Variants in ADAMTSL1 observed in about 807,000 individuals in gnomAD.
The protein encoded by ADAMTSL1 is ADAMTS-like protein 1.
A neutral mutation model predicts 201.8 loss-of-function variants in ADAMTSL1; 126 were observed. That is an observed-to-expected ratio of 0.62 (90% CI 0.54 to 0.72). ADAMTSL1 has a LOEUF of 0.72. Among genes scored for constraint, ADAMTSL1 ranks in the 30% least tolerant of loss-of-function variants. The pLI is 0.00. For missense variants in ADAMTSL1, 2,679 were observed against 2,277.8 expected, an observed-to-expected ratio of 1.18 and a Z score of -3.59; for synonymous variants, 1,121 against 903.4, an observed-to-expected ratio of 1.24 and a Z score of -4.32.
At chr9:18,231,100 G>A (rs1023572192) in intron 2 of ADAMTSL1, among the ~76,000 whole-genome samples, 1 of 152,050 alleles carries the variant, frequency 6.6e-6, no homozygotes, top group Non-Finnish European at 1.5e-5. Context: ...TACCTTTCTT[G>A]ATGTCTTTTA....
intron 8 of ADAMTSL1, among the ~76,000 whole-genome samples, chr9:18,658,381 A>T (rs1017313216): frequency 1.1e-4 from 17 of 152,228 alleles, no homozygotes; most frequent in Non-Finnish European, 1.2e-4. Context: ...ATTCACTTAC[A>T]TATAAACTAC....
chr9:18,271,181 A>G (rs949344142), intron 2 of ADAMTSL1, among the ~76,000 whole-genome samples: 1 of 152,192 alleles, frequency 6.6e-6, no homozygotes, highest in African/African-American at 2.4e-5. Context: ...AGATTTTTAT[A>G]TACATATATA....
chr9:18,121,023 C>G (rs536789786), intron 1 of ADAMTSL1, among the ~76,000 whole-genome samples: 1 of 152,068 alleles, frequency 6.6e-6, no homozygotes, highest in East Asian at 1.9e-4. Flanking sequence ...TTTCCCCTTA[C>G]AAGAAAATAG....
At chr9:18,706,354 G>C (rs778343625) in intron 13 of ADAMTSL1, among the ~76,000 whole-genome samples, 2 of 152,136 alleles carry the variant, frequency 1.3e-5, no homozygotes, top group Non-Finnish European at 2.9e-5. Flanking sequence ...GACAGGATCT[G>C]GCCGGCTTCT....
intron 9 of ADAMTSL1, among the ~76,000 whole-genome samples, chr9:18,671,864 C>T (rs11793849): frequency 0.21 from 31,719 of 151,956 alleles, 3,536 homozygotes; most frequent in Middle Eastern, 0.29. Context: ...GGTGAAACCC[C>T]ATCTCTACTA....
intron 1 of ADAMTSL1, among the ~76,000 whole-genome samples, chr9:17,916,764 C>T (rs532411066): frequency 1.3e-5 from 2 of 152,156 alleles, no homozygotes; most frequent in African/African-American, 2.4e-5. Context: ...ATTTCAAGGA[C>T]ATTGACTTGT....
intron 1 of ADAMTSL1, among the ~76,000 whole-genome samples, chr9:17,947,345 A>C (rs10963357): frequency 0.014 from 2,045 of 147,056 alleles, 19 homozygotes; most frequent in Non-Finnish European, 0.022. Flanking sequence ...ACACACACAC[A>C]CCCCACTATG....
At chr9:18,502,414 T>C (rs1822890967) in intron 1 of ADAMTSL1, among the ~76,000 whole-genome samples, 1 of 152,224 alleles carries the variant, frequency 6.6e-6, no homozygotes, top group Non-Finnish European at 1.5e-5. Context: ...TCTATTCACA[T>C]GCGGCAAACA....
intron 9 of ADAMTSL1, among the ~76,000 whole-genome samples, chr9:18,670,678 T>C (rs1332707): frequency 0.1 from 15,894 of 152,320 alleles, 1,066 homozygotes; most frequent in Middle Eastern, 0.15. Context: ...ATCTGCACAC[T>C]GATGACATAA....
At position 18,483,705 on chromosome 9, in the gene ADAMTSL1, T is replaced by C. The variant is rs531744162; in HGVS notation, c.63+9410T>C. Among the ~76,000 whole-genome samples, 5 of 152,264 alleles carry C rather than the reference T, an allele frequency of 3.3e-5. No homozygotes were observed. In the South Asian group the frequency reaches 1.0e-3, roughly 32 times the overall value. On this transcript the variant is annotated intron_variant, in intron 1 of 28. Coordinates refer to ENST00000380548, the MANE Select transcript of ADAMTSL1 (RefSeq NM_001040272.6). ...ACCCGGGCATGGTGGCGGGTGCCTG[T>C]AGTCCCAGCTACTCGGGATGCTGAG...
chr9:18,587,348 A>T (rs1266176193), intron 4 of ADAMTSL1, among the ~76,000 whole-genome samples: 2 of 152,094 alleles, frequency 1.3e-5, no homozygotes, highest in Non-Finnish European at 2.9e-5. Context: ...ACAAGCATAT[A>T]AAAAAAGCTC....
intron 20 of ADAMTSL1, among the ~76,000 whole-genome samples, chr9:18,807,654 AAAAAC>A (rs565113940): frequency 0.21 from 29,279 of 142,158 alleles, 3,109 homozygotes; most frequent in East Asian, 0.32. Context: ...TCAAAAAAAA[AAAAAC>A]AAAAAAAAAA....
chr9:18,314,838 C>T (rs1457791117), intron 2 of ADAMTSL1, among the ~76,000 whole-genome samples: 2 of 122,166 alleles, frequency 1.6e-5, no homozygotes, highest in East Asian at 2.5e-4. Flanking sequence ...GCTCTGTCGC[C>T]CAGGCTGGAG....
At chr9:18,431,875 C>G (rs1295455980) in intron 2 of ADAMTSL1, among the ~76,000 whole-genome samples, 1 of 152,138 alleles carries the variant, frequency 6.6e-6, no homozygotes, top group African/African-American at 2.4e-5. Context: ...CAACTAATAT[C>G]TATATAGGCT....
intron 25 of ADAMTSL1, chr9:18,890,440 A>C: frequency 2.2e-6 from 1 of 451,232 alleles, no homozygotes; most frequent in South Asian, 1.6e-5. Flanking sequence ...TGGAGTTGGC[A>C]CTGGTGCAGT....
At chr9:18,358,997 A>T (rs1052807388) in intron 2 of ADAMTSL1, among the ~76,000 whole-genome samples, 2 of 152,176 alleles carry the variant, frequency 1.3e-5, no homozygotes, top group African/African-American at 2.4e-5. Flanking sequence ...CTTAAATTTC[A>T]GTGACTTCAA....
intron 2 of ADAMTSL1, among the ~76,000 whole-genome samples, chr9:18,355,922 C>A (rs1836200912): frequency 6.6e-6 from 1 of 152,192 alleles, no homozygotes; most frequent in African/African-American, 2.4e-5. Context: ...AGCTGGGGAC[C>A]TGCAGCCAGT....
chr9:18,864,506 A>G (rs1041696857), intron 23 of ADAMTSL1, among the ~76,000 whole-genome samples: 2 of 152,190 alleles, frequency 1.3e-5, no homozygotes, highest in Admixed American at 1.3e-4. Context: ...AATCCACTAT[A>G]TAATGACCCT....
chr9:18,522,482 G>A (rs1181219086), intron 2 of ADAMTSL1, among the ~76,000 whole-genome samples: 1 of 151,876 alleles, frequency 6.6e-6, no homozygotes, highest in East Asian at 1.9e-4. Flanking sequence ...AGGTACATGT[G>A]CACAATGTGC....
Sources: allele counts gnomAD v4.1 joint callset (sites outside exome capture counted in the v4.1 genomes callset), GRCh38; gene constraint gnomAD v4.1.1; transcripts MANE v1.5; gene names NCBI Gene and HGNC (gene_info 2026-07-23, HGNC 2026-07-21).